Variants in GRM1 observed in about 807,000 individuals in gnomAD.
The protein encoded by GRM1 is glutamate metabotropic receptor 1, also known as metabotropic glutamate receptor 1.
A neutral mutation model predicts 90.9 loss-of-function variants in GRM1; 33 were observed. The observed-to-expected ratio is 0.36, with a 90% CI of 0.28 to 0.49. The LOEUF is 0.49. GRM1 is among the 20% of genes least tolerant of loss of function. GRM1 has a pLI of 0.99. For missense variants in GRM1, 1,190 were observed against 1,534.3 expected, an observed-to-expected ratio of 0.78 and a Z score of 3.75; for synonymous variants, 700 against 613.2, an observed-to-expected ratio of 1.14 and a Z score of -2.09.
chr6:146,040,456 G>A (rs1445476481), intron 1 of GRM1, among the ~76,000 whole-genome samples: 2 of 151,980 alleles, frequency 1.3e-5, no homozygotes, highest in Admixed American at 1.3e-4. Flanking sequence ...AAAGGTCTGG[G>A]GGTGATGAAT....
chr6:146,099,860 C>T (rs776618676), intron 1 of GRM1, among the ~76,000 whole-genome samples: 4 of 152,130 alleles, frequency 2.6e-5, no homozygotes, highest in Non-Finnish European at 4.4e-5. Context: ...TGTCTTGGTG[C>T]ATGCATTTCT....
chr6:146,049,643 C>T (rs979554405), intron 1 of GRM1, among the ~76,000 whole-genome samples: 1 of 146,312 alleles, frequency 6.8e-6, no homozygotes. Context: ...CATATGAAAC[C>T]TCCTTTCATA....
chr6:146,377,515 C>G (rs146145936), intron 5 of GRM1, among the ~76,000 whole-genome samples: 87 of 152,182 alleles, frequency 5.7e-4, no homozygotes, highest in Middle Eastern at 3.4e-3. Context: ...CTTAGGGTAT[C>G]TGATGGAAGA....
At position 146,295,575 on chromosome 6, in the gene GRM1, T is replaced by C. The variant is rs185353993; in HGVS notation, c.951-9036T>C. Among the ~76,000 whole-genome samples, 7 of 152,262 alleles carry C rather than the reference T, an allele frequency of 4.6e-5. No homozygotes were observed. In the East Asian group the frequency reaches 1.4e-3, roughly 29 times the overall value. On this transcript the variant is annotated intron_variant, in intron 2 of 7. Coordinates refer to ENST00000282753, the MANE Select transcript of GRM1 (RefSeq NM_001278064.2). ...ATTCCATATCACTATGTTTTTGGAA[T>C]TTCTCAAAGCGTAATGCTAGGTTTT...
At chr6:146,236,683 A>T (rs1304086031) in intron 2 of GRM1, among the ~76,000 whole-genome samples, 1 of 152,126 alleles carries the variant, frequency 6.6e-6, no homozygotes, top group East Asian at 1.9e-4. Flanking sequence ...TTCCCTCAAC[A>T]TCACTGGGTC....
At chr6:146,075,904 C>T (rs1776170455) in intron 1 of GRM1, among the ~76,000 whole-genome samples, 1 of 152,180 alleles carries the variant, frequency 6.6e-6, no homozygotes, top group South Asian at 2.1e-4. Context: ...TATTGGTCTA[C>T]TCTAGTGACC....
At chr6:146,346,971 C>T (rs145565254) in intron 3 of GRM1, among the ~76,000 whole-genome samples, 10 of 152,220 alleles carry the variant, frequency 6.6e-5, no homozygotes, top group Admixed American at 2.6e-4. Flanking sequence ...GATAGAATAA[C>T]GCGGTGTTTG....
chr6:146,317,176 A>C (rs1271009081), intron 3 of GRM1, among the ~76,000 whole-genome samples: 1 of 152,194 alleles, frequency 6.6e-6, no homozygotes, highest in African/African-American at 2.4e-5. Context: ...AAAGAATATG[A>C]GTCTTGATAT....
At chr6:146,336,281 C>G (rs928927851) in intron 3 of GRM1, among the ~76,000 whole-genome samples, 2 of 152,084 alleles carry the variant, frequency 1.3e-5, no homozygotes, top group Admixed American at 1.3e-4. Flanking sequence ...GGCAGAGATT[C>G]CTTTGCTAAT....
At chr6:146,390,492 G>T (rs189224966) in intron 6 of GRM1, among the ~76,000 whole-genome samples, 6 of 150,964 alleles carry the variant, frequency 4.0e-5, no homozygotes, top group African/African-American at 9.7e-5. Context: ...ACAATTTGTG[G>T]ACCAATTATA....
intron 3 of GRM1, among the ~76,000 whole-genome samples, chr6:146,326,408 C>T (rs1784402223): frequency 6.6e-6 from 1 of 151,944 alleles, no homozygotes; most frequent in African/African-American, 2.4e-5. Context: ...ATGGACACAT[C>T]GAGGGAAACA....
In GRM1 at chr6:146,434,492, C is replaced by T. The variant is rs1778528742; in HGVS notation, c.3281C>T (p.Ala1094Val). ...TFGEELVSPP[A>V]DDDDDSERFK... ...GGGGAGGAGCTGGTCTCCCCGCCCGCGGACGACGACGACGACAGCGAGAGG... is the reference window on the plus strand; with the variant it reads ...GGGGAGGAGCTGGTCTCCCCGCCCGTGGACGACGACGACGACAGCGAGAGG... Residue 1094 changes from alanine (A) to valine (V), a missense_variant, in exon 8 of 8, where the codon GCG (alanine) becomes GTG (valine). Coordinates refer to ENST00000282753, the MANE Select transcript of GRM1 (RefSeq NM_001278064.2). 1.2e-6 allele frequency: 2 copies of T among 1,614,106 alleles called. No individual in the cohort carries two copies. Among genetic ancestry groups the T allele is most frequent in the African/African-American group, 1.3e-5 (1 of 75,062 alleles).
At chr6:146,371,600 A>G (rs1775904124) in intron 5 of GRM1, among the ~76,000 whole-genome samples, 1 of 151,832 alleles carries the variant, frequency 6.6e-6, no homozygotes, top group African/African-American at 2.4e-5. Flanking sequence ...AACCATCCCC[A>G]TCTCCTCCCC....
chr6:146,422,980 GGAAA>G lies in GRM1; in HGVS notation c.2661-10886_2661-10883del, dbSNP rs149138962. On this transcript the variant is annotated intron_variant, in intron 7 of 7. Transcript: ENST00000282753. ...AGGGAAAGGGAGAGGAGGGAGGGAG[GGAAA>G]GAAAGGAAGGAAGGAGGGAAAGAAG... Among the ~76,000 whole-genome samples, 757 of 150,626 alleles carry G rather than the reference GGAAA, an allele frequency of 5.0e-3. 6 individuals are homozygous for G. Among genetic ancestry groups the G allele is most frequent in the African/African-American group, 0.017 (715 of 40,992 alleles).
At chr6:146,293,218 G>T (rs1783053542) in intron 2 of GRM1, among the ~76,000 whole-genome samples, 1 of 151,924 alleles carries the variant, frequency 6.6e-6, no homozygotes, top group Non-Finnish European at 1.5e-5. Flanking sequence ...AAAACATTTT[G>T]TATGTTCTGA....
intron 1 of GRM1, among the ~76,000 whole-genome samples, chr6:146,077,406 C>G (rs1582968069): frequency 6.6e-6 from 1 of 152,178 alleles, no homozygotes; most frequent in Admixed American, 6.5e-5. Context: ...CAGAGGCACC[C>G]TTCTGCACTC....
intron 5 of GRM1, among the ~76,000 whole-genome samples, chr6:146,372,369 T>A (rs1436503006): frequency 6.6e-6 from 1 of 152,178 alleles, no homozygotes; most frequent in Non-Finnish European, 1.5e-5. Context: ...ATTAATTCCT[T>A]CCTAGATGGG....
Position 146,029,267 on chromosome 6 carries a change from T to C in GRM1, c.-251T>C. On this transcript the variant is annotated 5_prime_UTR_variant, in exon 1 of 8. An upstream open reading frame in the 5' UTR loses its in-frame stop. Coordinates refer to ENST00000282753, the MANE Select transcript of GRM1 (RefSeq NM_001278064.2). Reference sequence around the variant, plus strand: ...TCAATTTACCTTGATGCACTACCGGTGAAGAACGGGGACTCGAATTCCCTT... The same window carrying C: ...TCAATTTACCTTGATGCACTACCGGCGAAGAACGGGGACTCGAATTCCCTT... 1.8e-6 allele frequency: 1 copy of C among 554,910 alleles called. No homozygotes were observed. The highest frequency in any genetic ancestry group is 3.2e-6 in the Non-Finnish European group (1 of 308,728). 34.4% of individuals were successfully genotyped at this position (554,910 alleles called of 1,614,324 possible). A position where few individuals can be genotyped will look rare whatever the true frequency, so the allele number is the denominator to read the frequency against.
intron 2 of GRM1, among the ~76,000 whole-genome samples, chr6:146,247,828 ATAT>A (rs1781125641): frequency 6.8e-6 from 1 of 147,980 alleles, no homozygotes; most frequent in Non-Finnish European, 1.5e-5. Context: ...ATAAAATTAC[ATAT>A]TATATGTAAT....
Sources: gnomAD v4.1 joint callset for allele counts (sites outside exome capture counted in the v4.1 genomes callset) on GRCh38, gnomAD v4.1.1 for gene constraint, MANE v1.5 for transcripts, NCBI Gene and HGNC (gene_info 2026-07-23, HGNC 2026-07-21) for gene names.